Variants in TIMM23 observed in about 807,000 individuals in gnomAD.
TIMM23 encodes the protein mitochondrial import inner membrane translocase subunit Tim23.
In TIMM23, 19 loss-of-function variants were observed where a neutral mutation model predicts 30.7. The ratio of observed to expected loss-of-function variants is 0.62; its 90% CI spans 0.43 to 0.91. TIMM23 has a LOEUF of 0.91. TIMM23 is among the 40% of genes least tolerant of loss of function. The pLI is 0.00. For synonymous variants in TIMM23, 78 were observed against 98.5 expected, an observed-to-expected ratio of 0.79 and a Z score of 1.23; for missense variants, 202 against 269.2, an observed-to-expected ratio of 0.75 and a Z score of 1.75.
At position 45,975,460 on chromosome 10, in the gene TIMM23, G is replaced by C. The variant is rs376440244; in HGVS notation, c.113G>C (p.Gly38Ala). 1.5e-5 allele frequency: 24 copies of C among 1,613,576 alleles called. No homozygotes were observed. Among genetic ancestry groups the C allele is most frequent in the Admixed American group, 5.0e-5 (3 of 59,958 alleles). ...HADLAGVPLT[G>A]MNPLSPYLNV... Reference sequence around the variant, plus strand: ...CATTTTGTTTTCTCTCTAGTAACTGGTATGAACCCTCTGTCTCCTTATTTA... The same window carrying C: ...CATTTTGTTTTCTCTCTAGTAACTGCTATGAACCCTCTGTCTCCTTATTTA... The change falls in exon 2 of 7, where the codon GGT becomes GCT. Residue 38 changes from glycine to alanine, a missense_variant. Physicochemically the swap from Gly to Ala is moderately conservative, Grantham distance 60. Coordinates refer to ENST00000580018, the MANE Select transcript of TIMM23 (RefSeq NM_006327.4).
intron 5 of TIMM23, among the ~76,000 whole-genome samples, chr10:45,988,057 C>T (rs1838048127): frequency 6.6e-6 from 1 of 152,172 alleles, no homozygotes; most frequent in South Asian, 2.1e-4. Context: ...TGGGTGAGTT[C>T]TTTCTCACTT....
chr10:45,985,498 T>C, intron 5 of TIMM23, 57 bp downstream of exon 5: 2 of 1,595,882 alleles, frequency 1.3e-6, no homozygotes, highest in African/African-American at 1.3e-5. Flanking sequence ...ACAAATATCA[T>C]GAACAATTTG....
At chr10:45,979,313 T>C (rs1314407763) in intron 2 of TIMM23, among the ~76,000 whole-genome samples, 1 of 152,204 alleles carries the variant, frequency 6.6e-6, no homozygotes, top group African/African-American at 2.4e-5. Flanking sequence ...CTCTCTCTCT[T>C]TTTTTTCTAA....
At position 46,003,260 on chromosome 10, in the gene TIMM23, A is replaced by C; in HGVS notation, c.572A>C (p.Tyr191Ser). The change falls in exon 7 of 7, where the codon TAT becomes TCT. Residue 191 changes from tyrosine to serine, a missense_variant. Coordinates refer to ENST00000580018, the MANE Select transcript of TIMM23 (RefSeq NM_006327.4). ...ACAGGACTAACACTTACCAGCCTCT[A>C]TGCACTATATAATAACTGGGAGCAC... is the stretch of plus-strand genomic sequence containing the variant. ...GLTGLTLTSL[Y>S]ALYNNWEHMK... 1.9e-6 allele frequency: 3 copies of C among 1,614,164 alleles called. No homozygotes were observed. Among genetic ancestry groups the C allele is most frequent in the Non-Finnish European group, 2.5e-6 (3 of 1,180,000 alleles).
intron 6 of TIMM23, among the ~76,000 whole-genome samples, chr10:45,997,788 G>C (rs1485371142): frequency 1.3e-5 from 2 of 152,152 alleles, no homozygotes; most frequent in Non-Finnish European, 2.9e-5. Context: ...CTGGGCGACA[G>C]AGCAAGACCC....
chr10:45,974,448 C>CA (rs1554912554), intron 1 of TIMM23, among the ~76,000 whole-genome samples: 20 of 152,278 alleles, frequency 1.3e-4, no homozygotes, highest in African/African-American at 4.8e-4. Context: ...TGAAACAAAA[C>CA]AAATTTGGCA....
At chr10:45,991,624 G>C (rs1213048292) in intron 6 of TIMM23, among the ~76,000 whole-genome samples, 1 of 152,134 alleles carries the variant, frequency 6.6e-6, no homozygotes, top group Non-Finnish European at 1.5e-5. Flanking sequence ...GGTGGCGCAT[G>C]CCTGAAATCC....
chr10:45,975,539 T>G (rs1837646135), intron 2 of TIMM23, 27 bp downstream of exon 2: 2 of 1,613,208 alleles, frequency 1.2e-6, no homozygotes, highest in Admixed American at 3.3e-5. Context: ...ACTAGTTTGG[T>G]GCATTATTTT....
At chr10:45,985,355 C>T (rs1837963539) in intron 4 of TIMM23, 28 bp from the exon 5 acceptor site, 2 of 1,612,134 alleles carry the variant, frequency 1.2e-6, no homozygotes, top group South Asian at 1.1e-5. Flanking sequence ...ATTCTAAATA[C>T]AGATTCTTTC....
intron 6 of TIMM23, among the ~76,000 whole-genome samples, chr10:45,995,917 A>C (rs1310615605): frequency 3.4e-5 from 5 of 148,124 alleles, no homozygotes; most frequent in Non-Finnish European, 7.4e-5. Flanking sequence ...TGGAGTCAAA[A>C]TGCTACGTGA....
intron 1 of TIMM23, among the ~76,000 whole-genome samples, 154 bp downstream of exon 1, chr10:45,972,884 C>T (rs1250249139): frequency 2.0e-5 from 3 of 151,910 alleles, no homozygotes; most frequent in African/African-American, 7.3e-5. Flanking sequence ...TGCATGGCTG[C>T]TCTTTCAAGA....
At chr10:45,985,296 A>G in intron 4 of TIMM23, 87 bp from the exon 5 acceptor site, 1 of 1,538,154 alleles carries the variant, frequency 6.5e-7, no homozygotes, top group East Asian at 2.3e-5. Context: ...CTGGGTCTAG[A>G]CATGTTAAAT....
intron 6 of TIMM23, among the ~76,000 whole-genome samples, chr10:45,991,864 CTT>C (rs1260047484): frequency 1.3e-5 from 2 of 151,996 alleles, no homozygotes; most frequent in Admixed American, 6.6e-5. Flanking sequence ...ATATATGTGA[CTT>C]TGAATAGCAT....
chr10:45,983,526 A>G (rs1554914403), intron 4 of TIMM23, among the ~76,000 whole-genome samples: 2 of 152,336 alleles, frequency 1.3e-5, no homozygotes, highest in Non-Finnish European at 2.9e-5. Flanking sequence ...CCAACTTAAG[A>G]AGTAAACATG....
At chr10:45,987,495 C>G (rs1590120158) in intron 5 of TIMM23, among the ~76,000 whole-genome samples, 2 of 152,052 alleles carry the variant, frequency 1.3e-5, no homozygotes, top group East Asian at 3.8e-4. Flanking sequence ...ACCTGTGCTT[C>G]TGACCAACCA....
intron 1 of TIMM23, 143 bp downstream of exon 1, chr10:45,972,873 C>T (rs587710374): frequency 2.1e-5 from 30 of 1,444,046 alleles, no homozygotes; most frequent in African/African-American, 5.8e-5. Context: ...GTTAGTGTAT[C>T]TGCATGGCTG....
chr10:45,993,775 G>T (rs2132274304), intron 6 of TIMM23, among the ~76,000 whole-genome samples: 1 of 152,256 alleles, frequency 6.6e-6, no homozygotes, highest in East Asian at 1.9e-4. Flanking sequence ...AATGCCGGGT[G>T]CAGTGGTGCA....
chr10:45,973,092 A>G (rs1837545128), intron 1 of TIMM23, among the ~76,000 whole-genome samples: 2 of 152,208 alleles, frequency 1.3e-5, no homozygotes, highest in African/African-American at 4.8e-5. Context: ...GCAAGCCCGT[A>G]GTTAACTTTT....
intron 4 of TIMM23, among the ~76,000 whole-genome samples, chr10:45,984,420 T>C (rs1250529283): frequency 1.3e-5 from 2 of 152,356 alleles, no homozygotes; most frequent in East Asian, 3.9e-4. Context: ...AAATGATGGC[T>C]GAACTTAAAA....
Sources: gnomAD v4.1 joint callset for allele counts (sites outside exome capture counted in the v4.1 genomes callset) on GRCh38, gnomAD v4.1.1 for gene constraint, MANE v1.5 for transcripts, NCBI Gene and HGNC (gene_info 2026-07-23, HGNC 2026-07-21) for gene names.